Variants in PCMTD1 observed in about 807,000 individuals in gnomAD.
PCMTD1 encodes the protein protein-L-isoaspartate O-methyltransferase domain-containing protein 1.
Under a neutral mutation model 37.6 loss-of-function variants are expected in PCMTD1, and 12 were observed. The observed-to-expected ratio is 0.32, with a 90% CI of 0.20 to 0.52. The LOEUF is 0.52. PCMTD1 is among the 20% of genes least tolerant of loss of function. The pLI is 0.97. For missense variants in PCMTD1, 235 were observed against 421.3 expected (o/e 0.56, Z 3.87); for synonymous variants, 117 against 135.8 (o/e 0.86, Z 0.96).
At chr8:51,820,821 G>T in intron 5 of PCMTD1, 103 bp from the exon 6 acceptor site, 1 of 1,228,472 alleles carries the variant, frequency 8.1e-7, no homozygotes. Context: ...GCATATTTTA[G>T]AAAATACAGA....
intron 3 of PCMTD1, among the ~76,000 whole-genome samples, chr8:51,841,164 T>G (rs1203756195): frequency 6.6e-6 from 1 of 152,156 alleles, no homozygotes; most frequent in East Asian, 1.9e-4. Context: ...AGTTTTCTCA[T>G]CTGGGAAATG....
chr8:51,850,006 A>G, intron 2 of PCMTD1: 1 of 697,294 alleles, frequency 1.4e-6, no homozygotes, highest in Non-Finnish European at 2.6e-6. Context: ...ACAGGCAAAA[A>G]GTACTTCACA....
At chr8:51,887,866 C>T (rs1180473717) in intron 1 of PCMTD1, among the ~76,000 whole-genome samples, 1 of 151,656 alleles carries the variant, frequency 6.6e-6, no homozygotes, top group Admixed American at 6.6e-5. Flanking sequence ...CTCAGCCTCT[C>T]AAGTAGCTGG....
chr8:51,822,214 G>A (rs887033534), intron 5 of PCMTD1, among the ~76,000 whole-genome samples: 36 of 152,190 alleles, frequency 2.4e-4, no homozygotes, highest in Admixed American at 1.1e-3. Flanking sequence ...TTGGGAGCAC[G>A]AGATCAGCTG....
chr8:51,830,134 T>G (rs1240182192), intron 5 of PCMTD1, among the ~76,000 whole-genome samples: 1 of 152,166 alleles, frequency 6.6e-6, no homozygotes, highest in Middle Eastern at 3.2e-3. Context: ...CCACCACCTT[T>G]GTTGGCCCCT....
intron 1 of PCMTD1, among the ~76,000 whole-genome samples, chr8:51,884,174 AGCCTT>A (rs1261686612): frequency 2.6e-5 from 4 of 152,194 alleles, no homozygotes; most frequent in Non-Finnish European, 4.4e-5. Context: ...ACAGTGTTAA[AGCCTT>A]ATATTATTAA....
At chr8:51,834,870 T>TG (rs1304699333) in intron 3 of PCMTD1, among the ~76,000 whole-genome samples, 2 of 152,004 alleles carry the variant, frequency 1.3e-5, no homozygotes, top group East Asian at 3.9e-4. Context: ...AAAGGTGGGG[T>TG]GGGAAGGGTC....
intron 1 of PCMTD1, among the ~76,000 whole-genome samples, chr8:51,883,962 ATAAAATTATC>A (rs1266888155): frequency 1.3e-5 from 2 of 152,256 alleles, no homozygotes; most frequent in Non-Finnish European, 2.9e-5. Context: ...AAAGAAAATC[ATAAAATTATC>A]TAGTTCGCTG....
At chr8:51,874,886 G>T (rs2038690370) in intron 1 of PCMTD1, among the ~76,000 whole-genome samples, 1 of 152,166 alleles carries the variant, frequency 6.6e-6, no homozygotes, top group South Asian at 2.1e-4. Flanking sequence ...TACTCCAGAA[G>T]CTAAACTCAA....
At chr8:51,898,680 G>A (rs115073435) in intron 1 of PCMTD1, among the ~76,000 whole-genome samples, 3,706 of 150,744 alleles carry the variant, frequency 0.025, 161 homozygotes, top group African/African-American at 0.085. Context: ...TCCAGGCTTC[G>A]CTGGGCCCCT....
At chr8:51,894,651 A>T (rs2038975918) in intron 1 of PCMTD1, among the ~76,000 whole-genome samples, 1 of 152,212 alleles carries the variant, frequency 6.6e-6, no homozygotes, top group Non-Finnish European at 1.5e-5. Flanking sequence ...CATGATCAGG[A>T]CTACATTTAG....
chr8:51,870,922 C>T (rs974841088), intron 1 of PCMTD1, among the ~76,000 whole-genome samples: 7 of 152,058 alleles, frequency 4.6e-5, no homozygotes, highest in African/African-American at 1.7e-4. Flanking sequence ...GGTCGTGCAG[C>T]CTCAGGCAAA....
intron 5 of PCMTD1, chr8:51,827,248 T>G (rs1040066673): frequency 8.6e-7 from 1 of 1,159,616 alleles, no homozygotes; most frequent in Non-Finnish European, 1.1e-6. Flanking sequence ...TTTTTATAAG[T>G]TACTGTTGGT....
At chr8:51,860,805 G>T (rs759502084) in intron 2 of PCMTD1, 40 bp downstream of exon 2, 66 of 1,466,526 alleles carry the variant, frequency 4.5e-5, no homozygotes, top group African/African-American at 5.8e-5. Flanking sequence ...ATACAAAATG[G>T]CTTATTTTTT....
intron 1 of PCMTD1, chr8:51,870,435 AAAAT>A (rs1364061823): frequency 1.3e-5 from 2 of 152,224 alleles, no homozygotes; most frequent in African/African-American, 4.8e-5. Flanking sequence ...ATTATTAAAG[AAAAT>A]AAATGGCTAA....
At position 51,818,191 on chromosome 8, in the gene PCMTD1, A is replaced by G. The variant is rs1451714415; in HGVS notation, c.*2160T>C. 6 of 313,520 alleles carry G rather than the reference A, an allele frequency of 1.9e-5. No homozygotes were observed. The highest frequency in any genetic ancestry group is 1.4e-4 in the Admixed American group (3 of 21,522). The allele number at this position is 313,520 out of a possible 1,614,324, so 19.4% of individuals were successfully genotyped here. ...TTTTCATTTTTCATTTCTACCTCTT[A>G]AAGTCAATGATAAACTCACAAGTGT... On this transcript the variant is annotated 3_prime_UTR_variant, in exon 6 of 6. Transcript: ENST00000522514.
At chr8:51,889,170 T>G (rs746910939) in intron 1 of PCMTD1, among the ~76,000 whole-genome samples, 1 of 152,220 alleles carries the variant, frequency 6.6e-6, no homozygotes, top group Non-Finnish European at 1.5e-5. Context: ...AGTCCAAGTT[T>G]GGCCTCTACT....
At chr8:51,887,228 A>C (rs2038876778) in intron 1 of PCMTD1, among the ~76,000 whole-genome samples, 1 of 152,186 alleles carries the variant, frequency 6.6e-6, no homozygotes, top group African/African-American at 2.4e-5. Flanking sequence ...TCCAGGGATT[A>C]GAACATGGAC....
intron 2 of PCMTD1, among the ~76,000 whole-genome samples, chr8:51,857,406 A>G (rs949448591): frequency 3.3e-5 from 5 of 152,218 alleles, no homozygotes; most frequent in Admixed American, 1.3e-4. Context: ...TGGTTTATAC[A>G]AGAAAATGAA....
Sources: allele counts gnomAD v4.1 joint callset (sites outside exome capture counted in the v4.1 genomes callset), GRCh38; gene constraint gnomAD v4.1.1; transcripts MANE v1.5; gene names NCBI Gene and HGNC (gene_info 2026-07-23, HGNC 2026-07-21).